The following UMPS variants were observed in gnomAD, a reference collection of about 807,000 sequenced individuals.
UMPS encodes uridine monophosphate synthetase.
UMPS carries 21 observed loss-of-function variants against 38.9 expected under a neutral mutation model. The observed-to-expected ratio is 0.54, with a 90% CI of 0.38 to 0.78. The LOEUF is 0.78. Ranked by LOEUF, UMPS falls within the 30% of genes least tolerant of loss-of-function variation. The pLI is 0.00. For synonymous variants in UMPS, 208 were observed against 219.3 expected, an observed-to-expected ratio of 0.95 and a Z score of 0.45; for missense variants, 533 against 591.6, an observed-to-expected ratio of 0.90 and a Z score of 1.03.
At chr3:124,742,344 A>G in intron 5 of UMPS, 78 bp downstream of exon 5, 2 of 1,026,858 alleles carry the variant, frequency 1.9e-6, no homozygotes, top group Non-Finnish European at 3.1e-6. Flanking sequence ...TTTGCATATT[A>G]TTATACACTT....
rs1559909228 is a variant in UMPS, at chr3:124,746,003, AG to A, written c.*1921del. 8.8e-6 allele frequency: 4 copies of A among 454,120 alleles called. No individual in the cohort carries two copies. Among genetic ancestry groups the A allele is most frequent in the Non-Finnish European group, 1.3e-5 (3 of 226,780 alleles). The allele number at this position is 454,120 out of a possible 1,614,324, so 28.1% of individuals were successfully genotyped here. On this transcript the variant is annotated 3_prime_UTR_variant, in exon 6 of 6. Coordinates refer to ENST00000232607, the MANE Select transcript of UMPS (RefSeq NM_000373.4). Reference sequence around the variant, plus strand: ...GAATTTGCGTTTCCAAAAAGGTCCCAGGTGATGCTGCGGTTGCCTGCGCAGG... The same window carrying A: ...GAATTTGCGTTTCCAAAAAGGTCCCAGTGATGCTGCGGTTGCCTGCGCAGG...
chr3:124,745,094 A>T lies in UMPS; in HGVS notation c.*1010A>T. The T allele has an allele frequency of 2.2e-6, 1 of 454,124 alleles. No homozygotes were observed. The highest frequency in any genetic ancestry group is 4.4e-6 in the Non-Finnish European group (1 of 226,798). The allele number at this position is 454,124 out of a possible 1,614,324, so 28.1% of individuals were successfully genotyped here. On this transcript the variant is annotated 3_prime_UTR_variant, in exon 6 of 6. Transcript: ENST00000232607. ...TCACAATTAGGAGGTCTAAGATTCCATTTGGGTATTTGCTTAAGGATCCCA... is the reference window on the plus strand; with the variant it reads ...TCACAATTAGGAGGTCTAAGATTCCTTTTGGGTATTTGCTTAAGGATCCCA...
Position 124,746,047 on chromosome 3 carries a change from C to A in UMPS, c.*1963C>A, listed in dbSNP as rs1172013394. On this transcript the variant is annotated 3_prime_UTR_variant, in exon 6 of 6. Transcript: ENST00000232607. ...TGCGCAGGGACTGGACTTTGAGAAC[C>A]ACTTCACTGGTTATTCACATTTCTG... The A allele has an allele frequency of 2.2e-6, 1 of 454,136 alleles. No homozygotes were observed. Among genetic ancestry groups the A allele is most frequent in the Non-Finnish European group, 4.4e-6 (1 of 226,794 alleles). 28.1% of individuals were successfully genotyped at this position (454,136 alleles called of 1,614,324 possible).
intron 2 of UMPS, among the ~76,000 whole-genome samples, chr3:124,735,805 C>G (rs1374995164): frequency 6.6e-6 from 1 of 151,848 alleles, no homozygotes; most frequent in African/African-American, 2.4e-5. Flanking sequence ...GGTAAAACTC[C>G]GTCTCTACTA....
At position 124,747,347 on chromosome 3, in the gene UMPS, A is replaced by G. The variant is rs892775406; in HGVS notation, c.*3263A>G. 4.4e-6 allele frequency: 2 copies of G among 454,984 alleles called. No individual in the cohort carries two copies. Among genetic ancestry groups the G allele is most frequent in the Non-Finnish European group, 8.8e-6 (2 of 226,784 alleles). The allele number at this position is 454,984 out of a possible 1,614,324, so 28.2% of individuals were successfully genotyped here. ...GCAGCCACAGGAGAGCCAACAGCAG[A>G]GGGTGCTGGCCGCTGAGCTAGCTGC... On this transcript the variant is annotated 3_prime_UTR_variant, in exon 6 of 6. Transcript: ENST00000232607.
At position 124,737,675 on chromosome 3, in the gene UMPS, CAGA is replaced by C; in HGVS notation, c.421_423del (p.Lys141del). 1 of 1,614,118 alleles carries C rather than the reference CAGA, an allele frequency of 6.2e-7. No individual in the cohort carries two copies. Among genetic ancestry groups the C allele is most frequent in the East Asian group, 2.2e-5 (1 of 44,882 alleles). The stretch of plus-strand genomic sequence containing the variant: ...TGTTTTGGAAACTGTTGAGGTTCTT[CAGA>C]AGGAGGGCTTGAAGGTCACTGATGC... On this transcript the variant is annotated inframe_deletion, in exon 3 of 6. Coordinates refer to ENST00000232607, the MANE Select transcript of UMPS (RefSeq NM_000373.4).
rs2063596328 is a variant in UMPS at position 124,746,263 on chromosome 3, G to A, written c.*2179G>A. 1 of 453,956 alleles carries A rather than the reference G, an allele frequency of 2.2e-6. No individual in the cohort carries two copies. The highest frequency in any genetic ancestry group is 4.4e-6 in the Non-Finnish European group (1 of 226,800). 28.1% of individuals were successfully genotyped at this position (453,956 alleles called of 1,614,324 possible). ...AGGCTCAAATAATCACCCAGCCCCT[G>A]CCACTTACTGAAAGTGTAGGTCCTT... On this transcript the variant is annotated 3_prime_UTR_variant, in exon 6 of 6. Transcript: ENST00000232607.
chr3:124,747,807 G>A lies in UMPS; in HGVS notation c.*3723G>A, dbSNP rs1248683628. 2.0e-5 allele frequency: 9 copies of A among 450,192 alleles called. No homozygotes were observed. The highest frequency in any genetic ancestry group is 4.7e-5 in the Admixed American group (2 of 42,494). 27.9% of individuals were successfully genotyped at this position (450,192 alleles called of 1,614,324 possible). On this transcript the variant is annotated 3_prime_UTR_variant, in exon 6 of 6. Coordinates refer to ENST00000232607, the MANE Select transcript of UMPS (RefSeq NM_000373.4). ...AACCATCACCTCTGGCTGCATCAGC[G>A]ATCTCTCCCAGCGAAATAGCTGCTT...
At position 124,744,946 on chromosome 3, in the gene UMPS, A is replaced by G. The variant is rs1311709920; in HGVS notation, c.*862A>G. On this transcript the variant is annotated 3_prime_UTR_variant, in exon 6 of 6. Transcript: ENST00000232607. ...GGGAAGGGGAAGGTGACTATAGCTC[A>G]GCTCCTGAGCTAGTATCTGGCTGTT... 1.1e-5 allele frequency: 5 copies of G among 454,030 alleles called. No homozygotes were observed. Among genetic ancestry groups the G allele is most frequent in the Non-Finnish European group, 2.2e-5 (5 of 226,762 alleles). The allele number at this position is 454,030 out of a possible 1,614,324, so 28.1% of individuals were successfully genotyped here. A position where few individuals can be genotyped will look rare whatever the true frequency, so the allele number is the denominator to read the frequency against.
chr3:124,742,546 G>T, intron 5 of UMPS: 1 of 451,650 alleles, frequency 2.2e-6, no homozygotes, highest in South Asian at 2.4e-5. Flanking sequence ...CAATGTCTTG[G>T]CACAGAGTAA....
In UMPS at chr3:124,745,007, T is replaced by G. The variant is rs1278453030; in HGVS notation, c.*923T>G. ...CCGGAGTTGGGGTTTGGGCTCATTT[T>G]TTCCCCTAGCCAGCAATTATGGACC... is the stretch of plus-strand genomic sequence containing the variant. On this transcript the variant is annotated 3_prime_UTR_variant, in exon 6 of 6. Coordinates refer to ENST00000232607, the MANE Select transcript of UMPS (RefSeq NM_000373.4). The G allele has an allele frequency of 2.2e-6, 1 of 453,990 alleles. No individual in the cohort carries two copies. 28.1% of individuals were successfully genotyped at this position (453,990 alleles called of 1,614,324 possible).
At chr3:124,738,562 C>T (rs1426199023) in intron 3 of UMPS, 3 of 294,002 alleles carry the variant, frequency 1.0e-5, no homozygotes, top group East Asian at 8.3e-5. Flanking sequence ...CTCTGTATGA[C>T]CTTCTTGAAA....
chr3:124,739,539 G>C (rs2063541716), intron 3 of UMPS, among the ~76,000 whole-genome samples: 1 of 151,978 alleles, frequency 6.6e-6, no homozygotes, highest in Non-Finnish European at 1.5e-5. Flanking sequence ...TTGCCATGTT[G>C]CCCAGGCTGG....
chr3:124,738,156 C>T lies in UMPS; in HGVS notation c.899C>T (p.Thr300Ile), dbSNP rs1262013193. The T allele has an allele frequency of 1.9e-6, 3 of 1,614,168 alleles. No homozygotes were observed. The highest frequency in any genetic ancestry group is 2.5e-6 in the Non-Finnish European group (3 of 1,180,032). ...CTGGATGTGATGAAGGAGTTGATAACTCTGGCAAAATGCCATGAGTTCTTG... is the reference window on the plus strand; with the variant it reads ...CTGGATGTGATGAAGGAGTTGATAATTCTGGCAAAATGCCATGAGTTCTTG... The part of the protein sequence containing the change: ...FTLDVMKELI[T>I]LAKCHEFLIF... The change falls in exon 3 of 6, where the codon ACT (threonine) becomes ATT (isoleucine). Residue 300 changes from threonine to isoleucine, a missense_variant. Transcript: ENST00000232607.
rs1248199335 is a variant in UMPS at position 124,749,079 on chromosome 3, G to A, written c.*4995G>A. Reference sequence around the variant, plus strand: ...TCCCTGCACTTAGCAGCCCTGCAGGGTGAGACTTGGGGAGGATCCTGAAAT... The same window carrying A: ...TCCCTGCACTTAGCAGCCCTGCAGGATGAGACTTGGGGAGGATCCTGAAAT... On this transcript the variant is annotated 3_prime_UTR_variant, in exon 6 of 6. Transcript: ENST00000232607. 2.2e-6 allele frequency: 1 copy of A among 453,980 alleles called. No individual in the cohort carries two copies. Among genetic ancestry groups the A allele is most frequent in the Non-Finnish European group, 4.4e-6 (1 of 226,804 alleles). The allele number at this position is 453,980 out of a possible 1,614,324, so 28.1% of individuals were successfully genotyped here.
intron 1 of UMPS, among the ~76,000 whole-genome samples, chr3:124,731,172 C>T (rs1392466589): frequency 6.6e-6 from 1 of 152,094 alleles, no homozygotes; most frequent in Admixed American, 6.5e-5. Flanking sequence ...CGCCACTGCA[C>T]TCCAGCCTGG....
In UMPS at chr3:124,747,673, C is replaced by T. The variant is rs10934685; in HGVS notation, c.*3589C>T. 117,200 of 452,540 alleles carry T rather than the reference C, an allele frequency of 0.26. 16,197 individuals carry two copies. The highest frequency in any genetic ancestry group is 0.35 in the East Asian group (5,050 of 14,338). 28.0% of individuals were successfully genotyped at this position (452,540 alleles called of 1,614,324 possible). On this transcript the variant is annotated 3_prime_UTR_variant, in exon 6 of 6. Coordinates refer to ENST00000232607, the MANE Select transcript of UMPS (RefSeq NM_000373.4). ...TGGAGTTCCAGGGTGGTTTATTACACGGCAATATCTAGCTAAATACATTTA... is the reference window on the plus strand; with the variant it reads ...TGGAGTTCCAGGGTGGTTTATTACATGGCAATATCTAGCTAAATACATTTA...
At chr3:124,733,963 A>T (rs554152365) in intron 1 of UMPS, among the ~76,000 whole-genome samples, 95 of 152,342 alleles carry the variant, frequency 6.2e-4, no homozygotes, top group African/African-American at 2.0e-3. Flanking sequence ...TGAAAATATG[A>T]GTTGGAAAAA....
chr3:124,740,889 C>T (rs1222914213), intron 4 of UMPS, among the ~76,000 whole-genome samples: 2 of 151,956 alleles, frequency 1.3e-5, no homozygotes, highest in African/African-American at 4.8e-5. Flanking sequence ...TTCAAGGCTG[C>T]AGGGAGCCAT....
Sources: allele counts gnomAD v4.1 joint callset (sites outside exome capture counted in the v4.1 genomes callset), GRCh38; gene constraint gnomAD v4.1.1; transcripts MANE v1.5; gene names NCBI Gene and HGNC (gene_info 2026-07-23, HGNC 2026-07-21).